Variants in KLHL4 observed in about 807,000 individuals in gnomAD.
KLHL4 encodes kelch-like protein 4.
KLHL4 carries 17 observed loss-of-function variants against 45.8 expected under a neutral mutation model. That is an observed-to-expected ratio of 0.37 (90% CI 0.25 to 0.56). The LOEUF is 0.56. KLHL4 is among the 20% of genes least tolerant of loss of function. KLHL4 has a pLI of 0.79. For missense variants in KLHL4, 544 were observed against 544.9 expected (o/e 1.00, Z 0.02); for synonymous variants, 224 against 189.9 (o/e 1.18, Z -1.47).
At chrX:87,652,234 G>A (rs995844388) in intron 9 of KLHL4, among the ~76,000 whole-genome samples, 2 of 112,404 alleles carry the variant, frequency 1.8e-5, no homozygotes, top group Non-Finnish European at 3.8e-5. Context: ...TGTGATGGGA[G>A]GGGCTGCAAT....
At position 87,517,812 on chromosome X, in the gene KLHL4, C is replaced by A; in HGVS notation, c.-82C>A. ...GGCACTTGTGCTTTTGTTAGTTCTA[C>A]AGAAGAGGCAGAAAAACAAGAGATA... is the stretch of plus-strand genomic sequence containing the variant. On this transcript the variant is annotated 5_prime_UTR_variant, in exon 1 of 11. Transcript: ENST00000373119. The A allele has an allele frequency of 9.8e-7, 1 of 1,024,817 alleles. No homozygotes were observed. The highest frequency in any genetic ancestry group is 1.3e-6 in the Non-Finnish European group (1 of 754,703). 84.5% of individuals were successfully genotyped at this position (1,024,817 alleles called of 1,213,427 possible).
chrX:87,646,113 C>A (rs1331636729), intron 9 of KLHL4, among the ~76,000 whole-genome samples: 3 of 111,285 alleles, frequency 2.7e-5, no homozygotes, highest in Non-Finnish European at 3.8e-5. Context: ...AGCTGAGAAT[C>A]AAATCAAGAA....
At chrX:87,642,853 G>A (rs1923508774) in intron 9 of KLHL4, among the ~76,000 whole-genome samples, 2 of 111,723 alleles carry the variant, frequency 1.8e-5, no homozygotes, top group African/African-American at 6.5e-5. Flanking sequence ...CAAAGACAAA[G>A]AAAAAAGAAT....
At chrX:87,583,127 C>T (rs1032520397) in intron 1 of KLHL4, among the ~76,000 whole-genome samples, 8 of 112,339 alleles carry the variant, frequency 7.1e-5, no homozygotes, top group African/African-American at 2.3e-4. Flanking sequence ...TTACAATCCT[C>T]TTGCTAGCTA....
rs751538627 is a variant in KLHL4, at chrX:87,617,211, GT to G, written c.728-710del. ...TTACAGATATTTTCAAAAAGAGACT[GT>G]TTTTTTTTTTATAACAAAGCAAATA... On this transcript the variant is annotated intron_variant, in intron 3 of 10. Coordinates refer to ENST00000373119, the MANE Select transcript of KLHL4 (RefSeq NM_019117.5). Among the ~76,000 whole-genome samples, 419 of 102,834 alleles carry G rather than the reference GT, an allele frequency of 4.1e-3. 1 individual carries two copies. The highest frequency in any genetic ancestry group is 7.7e-3 in the Admixed American group (73 of 9,458). The allele number at this position is 102,834 out of a possible 115,157, so 89.3% of individuals were successfully genotyped here. A position where few individuals can be genotyped will look rare whatever the true frequency, so the allele number is the denominator to read the frequency against.
At chrX:87,614,343 C>A in intron 2 of KLHL4, 91 bp from the exon 3 acceptor site, 2 of 863,128 alleles carry the variant, frequency 2.3e-6, no homozygotes, top group Non-Finnish European at 3.3e-6. Flanking sequence ...AAAACAGACT[C>A]ACTAGTGTTA....
At chrX:87,550,344 C>T (rs1345262601) in intron 1 of KLHL4, among the ~76,000 whole-genome samples, 9 of 110,407 alleles carry the variant, frequency 8.2e-5, no homozygotes, top group African/African-American at 1.6e-4. Context: ...TAACAAGCAG[C>T]GAGATTGAAA....
chrX:87,568,383 CT>C lies in KLHL4; in HGVS notation c.423-45487del, dbSNP rs756469573. Among the ~76,000 whole-genome samples the C allele has an allele frequency of 8.9e-3, 529 of 59,149 alleles. 2 individuals are homozygous for C. Among genetic ancestry groups the C allele is most frequent in the Non-Finnish European group, 0.013 (432 of 32,831 alleles). The allele number at this position is 59,149 out of a possible 115,157, so 51.4% of individuals were successfully genotyped here. ...CTACAGCTTTTTTTCTTTTTCTTTTCTTTTTTTCTTTTTTTTTTTTTTTTTT... is the reference window on the plus strand; with the variant it reads ...CTACAGCTTTTTTTCTTTTTCTTTTCTTTTTTCTTTTTTTTTTTTTTTTTT... On this transcript the variant is annotated intron_variant, in intron 1 of 10. Coordinates refer to ENST00000373119, the MANE Select transcript of KLHL4 (RefSeq NM_019117.5).
intron 1 of KLHL4, among the ~76,000 whole-genome samples, chrX:87,610,642 C>A (rs1345081892): frequency 9.0e-6 from 1 of 111,488 alleles, no homozygotes; most frequent in East Asian, 2.8e-4. Context: ...AGAAAAATAT[C>A]AAAATCATTG....
At chrX:87,540,378 T>C (rs2147772539) in intron 1 of KLHL4, among the ~76,000 whole-genome samples, 1 of 112,462 alleles carries the variant, frequency 8.9e-6, no homozygotes, top group Non-Finnish European at 1.9e-5. Context: ...TAACTTTTGA[T>C]GCTTGTAGTA....
intron 6 of KLHL4, among the ~76,000 whole-genome samples, chrX:87,629,208 ATGAAT>A (rs766488030): frequency 9.0e-6 from 1 of 111,699 alleles, no homozygotes; most frequent in Non-Finnish European, 1.9e-5. Flanking sequence ...GAGCTTAGAA[ATGAAT>A]TGAGAATATA....
At chrX:87,548,631 G>A (rs759978059) in intron 1 of KLHL4, among the ~76,000 whole-genome samples, 1 of 110,725 alleles carries the variant, frequency 9.0e-6, no homozygotes, top group Non-Finnish European at 1.9e-5. Flanking sequence ...GTTGGGGGAT[G>A]AAGTTAAGGT....
At chrX:87,565,450 G>A (rs768616123) in intron 1 of KLHL4, among the ~76,000 whole-genome samples, 6 of 110,975 alleles carry the variant, frequency 5.4e-5, no homozygotes, top group East Asian at 2.9e-4. Context: ...TTAAGAGGTC[G>A]CGTGTGGTGG....
chrX:87,597,978 T>C (rs1237537742), intron 1 of KLHL4, among the ~76,000 whole-genome samples: 2 of 62,369 alleles, frequency 3.2e-5, no homozygotes, highest in African/African-American at 1.2e-4. Flanking sequence ...AAAAGCAGTG[T>C]TTTTTTTTTT....
intron 1 of KLHL4, among the ~76,000 whole-genome samples, chrX:87,593,810 A>G: frequency 9.0e-6 from 1 of 111,605 alleles, no homozygotes; most frequent in Middle Eastern, 4.6e-3. Context: ...ATCACCAGCA[A>G]TACCTAACAT....
At chrX:87,596,129 A>G (rs1363444166) in intron 1 of KLHL4, among the ~76,000 whole-genome samples, 3 of 111,692 alleles carry the variant, frequency 2.7e-5, no homozygotes, top group East Asian at 5.6e-4. Flanking sequence ...ACCTTCCACC[A>G]TAAATAAGTT....
chrX:87,555,748 T>C (rs1931956417), intron 1 of KLHL4, among the ~76,000 whole-genome samples: 1 of 107,724 alleles, frequency 9.3e-6, no homozygotes, highest in Non-Finnish European at 1.9e-5. Context: ...AGTTATTTCT[T>C]GCCTTCTGCT....
intron 7 of KLHL4, among the ~76,000 whole-genome samples, chrX:87,632,974 C>T (rs1923147017): frequency 1.8e-5 from 2 of 110,927 alleles, no homozygotes; most frequent in South Asian, 7.7e-4. Flanking sequence ...TATTGCTTGC[C>T]CCAATTATCC....
intron 8 of KLHL4, among the ~76,000 whole-genome samples, chrX:87,634,150 C>T (rs1464098934): frequency 8.9e-6 from 1 of 111,828 alleles, no homozygotes; most frequent in South Asian, 3.7e-4. Context: ...CCAGCAGCAT[C>T]CACCTTTCGT....
Sources: allele counts gnomAD v4.1 joint callset (sites outside exome capture counted in the v4.1 genomes callset), GRCh38; gene constraint gnomAD v4.1.1; transcripts MANE v1.5; gene names NCBI Gene and HGNC (gene_info 2026-07-23, HGNC 2026-07-21).